DCC: variants seen among roughly 807,000 people sequenced by gnomAD.
DCC encodes DCC netrin 1 receptor.
DCC carries 58 observed loss-of-function variants against 172.5 expected under a neutral mutation model. That is an observed-to-expected ratio of 0.34 (90% CI 0.27 to 0.42). The LOEUF (loss-of-function observed/expected upper bound fraction) is 0.42, where lower values mean the gene tolerates loss of function less well. Ranked by LOEUF, DCC falls within the 10% of genes least tolerant of loss-of-function variation. The pLI is 1.00. For synonymous variants in DCC, 709 were observed against 644.5 expected, an observed-to-expected ratio of 1.10 and a Z score of -1.52; for missense variants, 1,740 against 1,791.0, an observed-to-expected ratio of 0.97 and a Z score of 0.51.
chr18:52,840,466 A>G (rs141476655), intron 2 of DCC, among the ~76,000 whole-genome samples: 60 of 152,292 alleles, frequency 3.9e-4, no homozygotes, highest in African/African-American at 1.4e-3. Flanking sequence ...AGTAACACCA[A>G]TATTTGTAGA....
chr18:52,687,110 A>G (rs955010203), intron 1 of DCC, among the ~76,000 whole-genome samples: 5 of 151,720 alleles, frequency 3.3e-5, no homozygotes, highest in African/African-American at 4.8e-5. Context: ...CATAACCTTT[A>G]CTCTTTAAAT....
At position 53,129,839 on chromosome 18, in the gene DCC, C is replaced by A. The variant is rs992738992; in HGVS notation, c.1262-27517C>A. On this transcript the variant is annotated intron_variant, in intron 7 of 28. Transcript: ENST00000442544. ...TTTGTTAGCACTTATGTTTTCATTTCTTTTGGGTAAAAATGTAGGAATAGA... is the reference window on the plus strand; with the variant it reads ...TTTGTTAGCACTTATGTTTTCATTTATTTTGGGTAAAAATGTAGGAATAGA... Among the ~76,000 whole-genome samples the A allele has an allele frequency of 1.2e-4, 19 of 152,026 alleles. 1 individual carries two copies. The highest frequency in any genetic ancestry group is 6.6e-4 in the Admixed American group (10 of 15,252).
At chr18:52,947,100 C>A (rs1229618975) in intron 5 of DCC, among the ~76,000 whole-genome samples, 1 of 152,034 alleles carries the variant, frequency 6.6e-6, no homozygotes, top group Non-Finnish European at 1.5e-5. Context: ...TTGCTTGTAT[C>A]TTGAGTCTCT....
chr18:53,130,899 A>G (rs923283377), intron 7 of DCC, among the ~76,000 whole-genome samples: 3 of 152,046 alleles, frequency 2.0e-5, no homozygotes, highest in Non-Finnish European at 2.9e-5. Flanking sequence ...TGTGTTTCCA[A>G]GTTTTAATTG....
chr18:52,763,778 A>G (rs976234545), intron 2 of DCC, among the ~76,000 whole-genome samples: 2 of 152,194 alleles, frequency 1.3e-5, no homozygotes, highest in African/African-American at 4.8e-5. Flanking sequence ...GAAAACACTT[A>G]TCTACTTCCT....
intron 1 of DCC, among the ~76,000 whole-genome samples, chr18:52,432,281 A>G (rs962060298): frequency 6.6e-6 from 1 of 152,102 alleles, no homozygotes; most frequent in Non-Finnish European, 1.5e-5. Flanking sequence ...GGCTACTGAA[A>G]CTGGAGGTTT....
chr18:53,159,115 AC>A (rs1394522097), intron 8 of DCC, among the ~76,000 whole-genome samples: 1 of 151,908 alleles, frequency 6.6e-6, no homozygotes, highest in Non-Finnish European at 1.5e-5. Context: ...TTGTGATCTT[AC>A]GATGCCTCCT....
chr18:53,385,456 T>A (rs1303016850), intron 15 of DCC, among the ~76,000 whole-genome samples: 1 of 152,216 alleles, frequency 6.6e-6, no homozygotes. Context: ...CCCCTACTTT[T>A]AACTGGACTT....
chr18:53,498,798 G>C (rs2046059060), intron 26 of DCC, among the ~76,000 whole-genome samples: 1 of 152,062 alleles, frequency 6.6e-6, no homozygotes, highest in South Asian at 2.1e-4. Context: ...TAATGATAGT[G>C]GTTATTATTT....
chr18:52,395,865 A>T (rs1440038635), intron 1 of DCC, among the ~76,000 whole-genome samples: 1 of 151,990 alleles, frequency 6.6e-6, no homozygotes, highest in Admixed American at 6.6e-5. Context: ...CTATTCTACA[A>T]TCCAGAGCTC....
chr18:52,490,171 G>T lies in DCC; in HGVS notation c.91+149293G>T, dbSNP rs1003063784. The stretch of plus-strand genomic sequence containing the variant: ...GAGGCTAAAAGCAGCACAAGATGTG[G>T]TAATTAAGATATACTAATAGACCTG... On this transcript the variant is annotated intron_variant, in intron 1 of 28. Transcript: ENST00000442544. 1.3e-4 allele frequency among the ~76,000 whole-genome samples: 20 copies of T among 152,162 alleles called. No homozygotes were observed. The East Asian group carries it at 3.3e-3, about 25-fold the overall frequency.
At chr18:52,643,707 T>C (rs557067982) in intron 1 of DCC, among the ~76,000 whole-genome samples, 1 of 152,292 alleles carries the variant, frequency 6.6e-6, no homozygotes, top group Non-Finnish European at 1.5e-5. Context: ...AAACTGGATC[T>C]AACCATTTGG....
intron 22 of DCC, among the ~76,000 whole-genome samples, chr18:53,447,031 A>C (rs1041330068): frequency 1.3e-5 from 2 of 152,194 alleles, no homozygotes; most frequent in Non-Finnish European, 2.9e-5. Context: ...AGTATTAATG[A>C]ATCGACATTA....
intron 12 of DCC, among the ~76,000 whole-genome samples, chr18:53,284,566 T>C (rs1293523189): frequency 6.6e-6 from 1 of 152,190 alleles, no homozygotes; most frequent in Admixed American, 6.6e-5. Context: ...ATAAACCTCT[T>C]TCTTTTGTAA....
At chr18:52,612,786 G>A (rs1169793197) in intron 1 of DCC, among the ~76,000 whole-genome samples, 1 of 152,092 alleles carries the variant, frequency 6.6e-6, no homozygotes, top group African/African-American at 2.4e-5. Context: ...GTATATGTTG[G>A]TACTTTAAAC....
chr18:52,433,484 T>C (rs1331894058), intron 1 of DCC, among the ~76,000 whole-genome samples: 1 of 152,166 alleles, frequency 6.6e-6, no homozygotes, highest in Non-Finnish European at 1.5e-5. Flanking sequence ...TCAAGTCCAA[T>C]TTTGTACCTC....
At chr18:53,479,785 A>G (rs1416911522) in intron 25 of DCC, among the ~76,000 whole-genome samples, 1 of 152,232 alleles carries the variant, frequency 6.6e-6, no homozygotes, top group African/African-American at 2.4e-5. Context: ...ATATCCTTCA[A>G]GACTTAGATT....
At chr18:52,977,177 A>G (rs1255210577) in intron 5 of DCC, among the ~76,000 whole-genome samples, 3 of 152,096 alleles carry the variant, frequency 2.0e-5, no homozygotes, top group South Asian at 2.1e-4. Flanking sequence ...AACTAAGCTC[A>G]GTCATTTTTG....
chr18:52,515,842 C>T (rs913818098), intron 1 of DCC, among the ~76,000 whole-genome samples: 1 of 146,646 alleles, frequency 6.8e-6, no homozygotes, highest in South Asian at 2.1e-4. Flanking sequence ...TGTTTTCAAA[C>T]CACATCTCTG....
Sources: gnomAD v4.1 joint callset for allele counts (sites outside exome capture counted in the v4.1 genomes callset) on GRCh38, gnomAD v4.1.1 for gene constraint, MANE v1.5 for transcripts, NCBI Gene and HGNC (gene_info 2026-07-23, HGNC 2026-07-21) for gene names.